The following SRSF4 variants were observed in gnomAD, a reference collection of about 807,000 sequenced individuals.
SRSF4 encodes serine and arginine rich splicing factor 4.
In SRSF4, 12 loss-of-function variants were observed where a neutral mutation model predicts 48.8. That is an observed-to-expected ratio of 0.25 (90% CI 0.16 to 0.40). The LOEUF (loss-of-function observed/expected upper bound fraction) is 0.40. SRSF4 is among the 10% of genes least tolerant of loss of function. The pLI, the probability that SRSF4 is intolerant of heterozygous loss-of-function variation, is 1.00. For synonymous variants in SRSF4, 248 were observed against 232.5 expected, an observed-to-expected ratio of 1.07 and a Z score of -0.61; for missense variants, 466 against 667.1, an observed-to-expected ratio of 0.70 and a Z score of 3.32.
intron 4 of SRSF4, among the ~76,000 whole-genome samples, chr1:29,153,218 G>A (rs1195438857): frequency 6.6e-6 from 1 of 152,082 alleles, no homozygotes. Flanking sequence ...TGCAACCCCT[G>A]CCTCCTGGGT....
At chr1:29,157,139 AAC>A (rs1384273160) in intron 3 of SRSF4, among the ~76,000 whole-genome samples, 1 of 152,130 alleles carries the variant, frequency 6.6e-6, no homozygotes, top group African/African-American at 2.4e-5. Flanking sequence ...TTTCTCCTTG[AAC>A]ACAGTGTTTA....
intron 5 of SRSF4, among the ~76,000 whole-genome samples, chr1:29,149,595 C>T (rs998657308): frequency 3.3e-5 from 5 of 150,280 alleles, no homozygotes; most frequent in East Asian, 2.0e-4. Context: ...GCAGGAGAAT[C>T]GCTTGAACCC....
intron 1 of SRSF4, among the ~76,000 whole-genome samples, chr1:29,166,304 A>G (rs1358931385): frequency 6.6e-6 from 1 of 152,178 alleles, no homozygotes; most frequent in East Asian, 1.9e-4. Flanking sequence ...GGACAGTACT[A>G]AAAAAACGGT....
chr1:29,161,570 G>A (rs1017521864), intron 1 of SRSF4, among the ~76,000 whole-genome samples: 2 of 152,038 alleles, frequency 1.3e-5, no homozygotes, highest in Non-Finnish European at 2.9e-5. Context: ...TCAGCCTGCT[G>A]ACAAAAAATG....
chr1:29,152,481 T>C (rs1284692800), intron 4 of SRSF4, among the ~76,000 whole-genome samples: 1 of 152,204 alleles, frequency 6.6e-6, no homozygotes, highest in Non-Finnish European at 1.5e-5. Context: ...ATTCTTGCTC[T>C]GGCCTAATGG....
At chr1:29,155,524 T>G (rs1672487502) in intron 3 of SRSF4, among the ~76,000 whole-genome samples, 1 of 152,138 alleles carries the variant, frequency 6.6e-6, no homozygotes, top group African/African-American at 2.4e-5. Context: ...GAGTCTTGCT[T>G]TGTCGCTCAG....
Position 29,150,114 on chromosome 1 carries a change from T to C in SRSF4, c.657A>G (p.Arg219=), listed in dbSNP as rs1672385147. 1.2e-6 allele frequency: 2 copies of C among 1,613,734 alleles called. No homozygotes were observed. The highest frequency in any genetic ancestry group is 1.7e-6 in the Non-Finnish European group (2 of 1,179,894). Residue 219 remains arginine (R), a synonymous_variant, in exon 5 of 6, where the codon AGA becomes AGG. Coordinates refer to ENST00000373795, the MANE Select transcript of SRSF4 (RefSeq NM_005626.5). ...GSSKSSHSKS[R]SRSRSGSRSR... ...CATGGAAGACATACCTGGACCGAGA[T>C]CTACTCTTAGAATGACTGCTTTTGC...
intron 4 of SRSF4, among the ~76,000 whole-genome samples, chr1:29,151,915 G>A (rs1672416790): frequency 6.6e-6 from 1 of 152,150 alleles, no homozygotes; most frequent in Non-Finnish European, 1.5e-5. Flanking sequence ...GCCAGAGGAG[G>A]GTATACAGGT....
At chr1:29,168,680 C>T (rs542139820) in intron 1 of SRSF4, 2 of 152,290 alleles carry the variant, frequency 1.3e-5, no homozygotes, top group South Asian at 4.1e-4. Context: ...TGTGCAATCC[C>T]CATTCTGGAG....
intron 1 of SRSF4, among the ~76,000 whole-genome samples, chr1:29,174,793 C>T (rs552163242): frequency 6.6e-6 from 1 of 151,068 alleles, no homozygotes; most frequent in South Asian, 2.1e-4. Context: ...CCTGCCTCAG[C>T]CTCCTGAGTA....
At chr1:29,161,141 A>C (rs1056046415) in intron 1 of SRSF4, among the ~76,000 whole-genome samples, 1 of 152,182 alleles carries the variant, frequency 6.6e-6, no homozygotes, top group Non-Finnish European at 1.5e-5. Flanking sequence ...CAACTCGTGC[A>C]AACTTCTTTA....
At chr1:29,160,238 A>G (rs1346975426) in intron 2 of SRSF4, 137 bp downstream of exon 2, 20 of 1,056,710 alleles carry the variant, frequency 1.9e-5, no homozygotes, top group Non-Finnish European at 1.9e-5. Context: ...GTAATTCTAC[A>G]TTTTTAAAAA....
intron 1 of SRSF4, among the ~76,000 whole-genome samples, chr1:29,176,505 A>G (rs1450783859): frequency 1.3e-5 from 2 of 149,522 alleles, no homozygotes; most frequent in Admixed American, 6.7e-5. Context: ...AAAAAAAAAG[A>G]AAAAAATACT....
chr1:29,181,889 ACGCGAGCACGCAG>A (rs1055313225), exon 1 of SRSF4: 1 of 576,252 alleles, frequency 1.7e-6, no homozygotes, highest in African/African-American at 2.0e-5. Flanking sequence ...CCGGCGACGT[ACGCGAGCACGCAG>A]CTCGCGAGCG....
intron 1 of SRSF4, among the ~76,000 whole-genome samples, chr1:29,175,138 T>C (rs1242183773): frequency 6.7e-6 from 1 of 150,212 alleles, no homozygotes; most frequent in Non-Finnish European, 1.5e-5. Context: ...AAAATTATAA[T>C]AGGCCAGGTG....
intron 1 of SRSF4, among the ~76,000 whole-genome samples, chr1:29,162,216 C>T (rs896062932): frequency 1.2e-4 from 19 of 152,176 alleles, no homozygotes; most frequent in Admixed American, 1.1e-3. Flanking sequence ...CATAGTTTCA[C>T]GCTTCCATAG....
chr1:29,156,722 G>A (rs1672505585), intron 3 of SRSF4, among the ~76,000 whole-genome samples: 2 of 152,014 alleles, frequency 1.3e-5, no homozygotes, highest in African/African-American at 4.8e-5. Flanking sequence ...ACCAACTAAG[G>A]GTGGTAACTG....
intron 1 of SRSF4, among the ~76,000 whole-genome samples, chr1:29,175,450 C>T (rs1227247201): frequency 6.6e-6 from 1 of 151,242 alleles, no homozygotes; most frequent in Non-Finnish European, 1.5e-5. Flanking sequence ...AATCCCAGCA[C>T]TTTGGGAGGC....
intron 1 of SRSF4, among the ~76,000 whole-genome samples, chr1:29,176,713 C>T (rs941183296): frequency 6.6e-6 from 1 of 152,104 alleles, no homozygotes; most frequent in African/African-American, 2.4e-5. Flanking sequence ...ACCTGCCTCA[C>T]TCGAAGAGTC....
Sources: gnomAD v4.1 joint callset for allele counts (sites outside exome capture counted in the v4.1 genomes callset) on GRCh38, gnomAD v4.1.1 for gene constraint, MANE v1.5 for transcripts, NCBI Gene and HGNC (gene_info 2026-07-23, HGNC 2026-07-21) for gene names.